KNDC1: variants seen among roughly 807,000 people sequenced by gnomAD.
KNDC1 encodes kinase non-catalytic C-lobe domain containing 1.
Under a neutral mutation model 172.8 loss-of-function variants are expected in KNDC1, and 106 were observed. The ratio of observed to expected loss-of-function variants is 0.61; its 90% CI spans 0.52 to 0.72. The LOEUF is 0.72. KNDC1 is among the 30% of genes least tolerant of loss of function. The pLI is 0.00. For missense variants in KNDC1, 2,325 were observed against 2,394.5 expected (o/e 0.97, Z 0.61); for synonymous variants, 1,083 against 1,062.2 (o/e 1.02, Z -0.38).
At chr10:133,178,287 C>A (rs1443417477) in intron 3 of KNDC1, among the ~76,000 whole-genome samples, 1 of 152,196 alleles carries the variant, frequency 6.6e-6, no homozygotes, top group Non-Finnish European at 1.5e-5. Flanking sequence ...GTCTGCAGCA[C>A]TGGATTGATC....
In KNDC1 at chr10:133,182,613, C is replaced by T. The variant is rs527824453; in HGVS notation, c.361-731C>T. ...GTGCGGCCGTGTCCAGGGTGGACCT[C>T]GTGCAGAGCCCACCCTCTCAGGCAA... On this transcript the variant is annotated intron_variant, in intron 3 of 29. Transcript: ENST00000304613. 7.9e-5 allele frequency among the ~76,000 whole-genome samples: 12 copies of T among 152,364 alleles called. No individual in the cohort carries two copies. The East Asian group carries it at 2.1e-3, about 27-fold the overall frequency.
At chr10:133,214,539 C>A (rs1310444744) in intron 26 of KNDC1, among the ~76,000 whole-genome samples, 1 of 152,176 alleles carries the variant, frequency 6.6e-6, no homozygotes, top group African/African-American at 2.4e-5. Context: ...CCCTCACGCA[C>A]CACCCCCAGC....
In KNDC1 at chr10:133,198,715, C is replaced by G; in HGVS notation, c.2207C>G (p.Pro736Arg). 1.3e-6 allele frequency: 2 copies of G among 1,576,574 alleles called. No homozygotes were observed. Among genetic ancestry groups the G allele is most frequent in the Non-Finnish European group, 1.7e-6 (2 of 1,162,050 alleles). Reference protein sequence around the residue: ...LKTPDGPVPGPGPQGAAPEPL... With the variant: ...LKTPDGPVPGRGPQGAAPEPL... ...ACGCCTGACGGGCCGGTGCCTGGTC[C>G]GGGGCCACAGGGAGCAGCCCCAGAG... The change falls in exon 14 of 30, where the codon CCG becomes CGG. Residue 736 changes from proline (P) to arginine (R), a missense_variant. Pro to Arg is a moderately radical substitution (Grantham distance 103, BLOSUM62 -2). Transcript: ENST00000304613.
intron 9 of KNDC1, among the ~76,000 whole-genome samples, chr10:133,194,904 G>A (rs569058294): frequency 3.3e-5 from 5 of 152,342 alleles, no homozygotes; most frequent in East Asian, 1.9e-4. Flanking sequence ...ATGGTCTTAC[G>A]ATATCAACCG....
chr10:133,175,703 C>T (rs1035495816), intron 3 of KNDC1, among the ~76,000 whole-genome samples: 3 of 138,242 alleles, frequency 2.2e-5, no homozygotes, highest in African/African-American at 2.7e-5. Flanking sequence ...GATGAACAGT[C>T]GGATAGGGAT....
intron 9 of KNDC1, 151 bp downstream of exon 9, chr10:133,189,964 G>A (rs934768429): frequency 7.0e-6 from 5 of 718,246 alleles, no homozygotes; most frequent in Non-Finnish European, 1.2e-5. Flanking sequence ...CTGCCAGCAG[G>A]GCCGTGGCTC....
intron 5 of KNDC1, among the ~76,000 whole-genome samples, chr10:133,185,343 GCAGTGTGGAGTAGGCAGTGTGTA>G (rs1391384246): frequency 0.11 from 13,666 of 121,566 alleles, 2,074 homozygotes; most frequent in East Asian, 0.16. Context: ...GGCAGTGTGT[GCAGTGTGGAGTAGGCAGTGTGTA>G]CAGTGTGGAG....
intron 1 of KNDC1, among the ~76,000 whole-genome samples, chr10:133,165,108 AG>A (rs1452568255): frequency 6.6e-5 from 10 of 152,194 alleles, no homozygotes; most frequent in Non-Finnish European, 1.5e-4. Context: ...TGTGAGCGGA[AG>A]CCCACCCTCT....
rs557831275 is a variant in KNDC1 at position 133,187,997 on chromosome 10, T to C, written c.1327-542T>C. On this transcript the variant is annotated intron_variant, in intron 6 of 29. Coordinates refer to ENST00000304613, the MANE Select transcript of KNDC1 (RefSeq NM_152643.8). ...GTCCAGGGGCCTCGTGGGAGTGGGATGGACAGAGCTGTGTGTCTGGTCTCT... is the reference window on the plus strand; with the variant it reads ...GTCCAGGGGCCTCGTGGGAGTGGGACGGACAGAGCTGTGTGTCTGGTCTCT... Among the ~76,000 whole-genome samples, 789 of 150,302 alleles carry C rather than the reference T, an allele frequency of 5.2e-3. 12 individuals carry two copies. Among genetic ancestry groups the C allele is most frequent in the African/African-American group, 0.018 (745 of 40,906 alleles).
chr10:133,192,191 G>A (rs1003545731), intron 9 of KNDC1, among the ~76,000 whole-genome samples: 9 of 152,208 alleles, frequency 5.9e-5, no homozygotes, highest in African/African-American at 2.2e-4. Flanking sequence ...AGCTGAAATA[G>A]CCAAAGCAAT....
chr10:133,207,475 T>A, intron 20 of KNDC1, 124 bp downstream of exon 20: 1 of 918,224 alleles, frequency 1.1e-6, no homozygotes, highest in Non-Finnish European at 1.7e-6. Context: ...GAGAAATGTT[T>A]AATCGGGGTT....
intron 26 of KNDC1, among the ~76,000 whole-genome samples, chr10:133,215,407 G>A (rs1845451917): frequency 6.6e-6 from 1 of 152,212 alleles, no homozygotes; most frequent in African/African-American, 2.4e-5. Context: ...CGTAAACGAA[G>A]GCAGAGGCAC....
At chr10:133,182,651 C>CA (rs1178963336) in intron 3 of KNDC1, among the ~76,000 whole-genome samples, 1 of 152,262 alleles carries the variant, frequency 6.6e-6, no homozygotes, top group Non-Finnish European at 1.5e-5. Flanking sequence ...GAGGAAAACC[C>CA]AGACTCTCAA....
At chr10:133,161,485 G>T (rs1379007012) in intron 1 of KNDC1, among the ~76,000 whole-genome samples, 1 of 152,122 alleles carries the variant, frequency 6.6e-6, no homozygotes, top group African/African-American at 2.4e-5. Flanking sequence ...TGACCCCCTC[G>T]CAGTCCCCAC....
At chr10:133,191,060 C>T (rs1482798676) in intron 9 of KNDC1, among the ~76,000 whole-genome samples, 5 of 152,194 alleles carry the variant, frequency 3.3e-5, no homozygotes, top group African/African-American at 7.2e-5. Flanking sequence ...CCCAACTGGC[C>T]GGGCATGGTG....
rs1373456286 is a variant in KNDC1 at position 133,212,696 on chromosome 10, G to A, written c.4237-20G>A. ...GGGGACACGGAGCTTAGGCCCCTCA[G>A]TGCCCGGCCTGCCCTGCAGAGCTTC... On this transcript the variant is annotated intron_variant, in intron 23 of 29. Coordinates refer to ENST00000304613, the MANE Select transcript of KNDC1 (RefSeq NM_152643.8). The A allele has an allele frequency of 6.2e-7, 1 of 1,608,618 alleles. No homozygotes were observed. Among genetic ancestry groups the A allele is most frequent in the South Asian group, 1.1e-5 (1 of 90,810 alleles).
At position 133,183,364 on chromosome 10, in the gene KNDC1, G is replaced by T; in HGVS notation, c.381G>T (p.Gly127=). ...NTFEAHIYSL[G]ATLKAALEYV... The stretch of plus-strand genomic sequence containing the variant: ...CACAGGCGCACATCTACTCTCTGGG[G>T]GCCACGCTGAAGGCCGCCCTCGAGT... Residue 127 remains glycine, a synonymous_variant, in exon 4 of 30, where the codon GGG becomes GGT. Transcript: ENST00000304613. The T allele has an allele frequency of 6.3e-7, 1 of 1,597,072 alleles. No homozygotes were observed. Among genetic ancestry groups the T allele is most frequent in the Non-Finnish European group, 8.5e-7 (1 of 1,173,540 alleles).
rs140687934 is a variant in KNDC1 at position 133,192,942 on chromosome 10, G to A, written c.1576-2721G>A. On this transcript the variant is annotated intron_variant, in intron 9 of 29. Coordinates refer to ENST00000304613, the MANE Select transcript of KNDC1 (RefSeq NM_152643.8). ...AAGACACATAAGCCTACAGATTTCA[G>A]AAGGTGAGAAAACCCCAAACATGAT... Among the ~76,000 whole-genome samples the A allele has an allele frequency of 5.5e-3, 832 of 152,256 alleles. 4 individuals carry two copies. The highest frequency in any genetic ancestry group is 0.014 in the Middle Eastern group (4 of 294).
intron 3 of KNDC1, among the ~76,000 whole-genome samples, chr10:133,171,759 C>T (rs1026408040): frequency 1.4e-4 from 21 of 151,840 alleles, no homozygotes; most frequent in African/African-American, 4.6e-4. Flanking sequence ...TGTAGGCACA[C>T]GCCACCACAC....
Sources: gnomAD v4.1 joint callset for allele counts (sites outside exome capture counted in the v4.1 genomes callset) on GRCh38, gnomAD v4.1.1 for gene constraint, MANE v1.5 for transcripts, NCBI Gene and HGNC (gene_info 2026-07-23, HGNC 2026-07-21) for gene names.